The following NCOR2 variants were observed in gnomAD, a reference collection of about 807,000 sequenced individuals.
NCOR2 encodes CTG repeat protein 26.
Under a neutral mutation model 262.9 loss-of-function variants are expected in NCOR2, and 81 were observed. The observed-to-expected ratio is 0.31, with a 90% CI of 0.26 to 0.37. The LOEUF (loss-of-function observed/expected upper bound fraction) is 0.37, where lower values mean the gene tolerates loss of function less well. Among genes scored for constraint, NCOR2 ranks in the 10% least tolerant of loss-of-function variants. The pLI is 1.00. For synonymous variants in NCOR2, 1,659 were observed against 1,559.3 expected (o/e 1.06, Z -1.51); for missense variants, 3,385 against 3,621.4 (o/e 0.93, Z 1.68).
rs191260796 is a variant in NCOR2 at position 124,483,561 on chromosome 12, G to T, written c.411+35C>A. 1 of 1,510,324 alleles carries T rather than the reference G, an allele frequency of 6.6e-7. No individual in the cohort carries two copies. Among genetic ancestry groups the T allele is most frequent in the East Asian group, 2.4e-5 (1 of 41,168 alleles). The allele number at this position is 1,510,324 out of a possible 1,614,324, so 93.6% of individuals were successfully genotyped here. A position where few individuals can be genotyped will look rare whatever the true frequency, so the allele number is the denominator to read the frequency against. On this transcript the variant is annotated intron_variant, in intron 3 of 46. Coordinates refer to ENST00000405201, the Ensembl canonical transcript of NCOR2. The surrounding 1 kb of genome is among the most constrained non-coding windows in gnomAD (Gnocchi z 6.3). ...CCCAACCAGCAGCAGAACCTCAAGC[G>T]GGAGAGGAGCTCCCAGCTGGGGGCC...
chr12:124,335,749 A>G, intron 38 of NCOR2, 117 bp from the exon 41 acceptor site: 1 of 1,221,376 alleles, frequency 8.2e-7, no homozygotes, highest in Non-Finnish European at 1.1e-6. Flanking sequence ...AACCCAAGCT[A>G]GGGGTAGGGT....
intron 20 of NCOR2, among the ~76,000 whole-genome samples, chr12:124,371,180 C>T (rs1282030284): frequency 6.6e-6 from 1 of 151,866 alleles, no homozygotes; most frequent in African/African-American, 2.4e-5. Flanking sequence ...CCTGCCAGGG[C>T]GTGACTCAGT....
intron 1 of NCOR2, chr12:124,556,364 A>G (rs2051883260): frequency 6.6e-6 from 1 of 152,436 alleles, no homozygotes; most frequent in South Asian, 2.1e-4. Flanking sequence ...AACACTCAAC[A>G]CATCTACGAG....
At position 124,552,670 on chromosome 12, in the gene NCOR2, G is replaced by A. The variant is rs567471511; in HGVS notation, c.-165+14638C>T. ...AACTCGGTGACTTAAAACAGCACAA[G>A]TTTTTTCGGGGGGGTTAGGAGGTTT... On this transcript the variant is annotated intron_variant, in intron 1 of 32. Transcript: ENST00000458234. 2.0e-5 allele frequency among the ~76,000 whole-genome samples: 3 copies of A among 152,254 alleles called. No individual in the cohort carries two copies. In the South Asian group the frequency reaches 6.2e-4, roughly 32 times the overall value.
chr12:124,333,167 G>C (rs1407779271), exon 42 of NCOR2: 1 of 1,612,514 alleles, frequency 6.2e-7, no homozygotes, highest in African/African-American at 1.3e-5. Context: ...TACAGCAGCG[G>C]GTACACAGCA....
chr12:124,447,119 C>T (rs1243891), intron 7 of NCOR2, among the ~76,000 whole-genome samples: 142,140 of 152,308 alleles, frequency 0.93, 66,459 homozygotes, highest in East Asian at 1. Flanking sequence ...TTCACCATGT[C>T]GGCCAGGCTG....
rs1370546396 is a variant in NCOR2, at chr12:124,482,774, C to T, written c.411+822G>A. 6.6e-6 allele frequency among the ~76,000 whole-genome samples: 1 copy of T among 152,144 alleles called. No homozygotes were observed. Among genetic ancestry groups the T allele is most frequent in the East Asian group, 1.9e-4 (1 of 5,180 alleles). Reference sequence around the variant, plus strand: ...AGCCCCCCATGGAGATGCAGACGAGCCTGAAGTTGTCTGGCTCCCCTGCCC... The same window carrying T: ...AGCCCCCCATGGAGATGCAGACGAGTCTGAAGTTGTCTGGCTCCCCTGCCC... On this transcript the variant is annotated intron_variant, in intron 3 of 46. Coordinates refer to ENST00000405201, the Ensembl canonical transcript of NCOR2. This position sits in a 1 kb window ranked among gnomAD's most constrained non-coding sequence, Gnocchi z 6.3.
At chr12:124,484,081 G>A (rs2047649728) in intron 2 of NCOR2, among the ~76,000 whole-genome samples, 1 of 152,142 alleles carries the variant, frequency 6.6e-6, no homozygotes, top group Non-Finnish European at 1.5e-5. Context: ...TCCCCACCTG[G>A]GGCTGGCTAC....
At chr12:124,500,848 G>A (rs1051541469) in intron 1 of NCOR2, among the ~76,000 whole-genome samples, 5 of 152,122 alleles carry the variant, frequency 3.3e-5, no homozygotes, top group Non-Finnish European at 7.4e-5. Flanking sequence ...GGCTGGTGGA[G>A]GTGTGGGAGC....
chr12:124,417,817 T>C (rs1433698140), intron 13 of NCOR2, among the ~76,000 whole-genome samples: 1 of 152,160 alleles, frequency 6.6e-6, no homozygotes, highest in African/African-American at 2.4e-5. Context: ...TCCCAGCACT[T>C]TGGGAGGCCA....
chr12:124,337,047 G>C (rs776517719), exon 38 of NCOR2: 1 of 1,494,984 alleles, frequency 6.7e-7, no homozygotes, highest in Non-Finnish European at 8.9e-7. Context: ...CGGGCGACCC[G>C]GGGGGCCTCC....
intron 1 of NCOR2, among the ~76,000 whole-genome samples, chr12:124,552,228 G>A (rs931340128): frequency 3.9e-5 from 6 of 152,022 alleles, no homozygotes; most frequent in Non-Finnish European, 7.4e-5. Flanking sequence ...GGCTGAGATG[G>A]GAGGATTGCT....
At chr12:124,374,559 G>C in intron 18 of NCOR2, 96 bp from the exon 21 acceptor site, 2 of 1,153,132 alleles carry the variant, frequency 1.7e-6, no homozygotes, top group Non-Finnish European at 2.6e-6. Flanking sequence ...CTGAAGCCCA[G>C]TGCACAGCAG....
intron 1 of NCOR2, among the ~76,000 whole-genome samples, chr12:124,516,554 A>G (rs1358125726): frequency 6.6e-6 from 1 of 152,200 alleles, no homozygotes; most frequent in Non-Finnish European, 1.5e-5. Flanking sequence ...ACAATTACGG[A>G]GGCCCACCCA....
At chr12:124,535,706 T>A (rs1241690931), upstream of NCOR2, 2 of 152,198 alleles carry the variant, frequency 1.3e-5, no homozygotes, top group Non-Finnish European at 2.9e-5. Context: ...ATGTCTGCCG[T>A]CAGGGCCCAT....
At chr12:124,404,141 T>C (rs1035687701) in intron 13 of NCOR2, among the ~76,000 whole-genome samples, 1 of 152,214 alleles carries the variant, frequency 6.6e-6, no homozygotes, top group Non-Finnish European at 1.5e-5. Flanking sequence ...AGGGTTTTTT[T>C]GGCTTGTTCC....
At chr12:124,522,654 C>G (rs183870326) in intron 1 of NCOR2, among the ~76,000 whole-genome samples, 158 of 152,380 alleles carry the variant, frequency 1.0e-3, no homozygotes, top group Middle Eastern at 6.8e-3. Context: ...ACCTATGTTT[C>G]ATGGGCCATG....
intron 37 of NCOR2, among the ~76,000 whole-genome samples, chr12:124,339,009 C>T (rs559344845): frequency 3.5e-5 from 5 of 144,094 alleles, no homozygotes; most frequent in East Asian, 2.1e-4. Context: ...GCTAAGCCAG[C>T]GTCTATACTC....
intron 16 of NCOR2, 101 bp downstream of exon 18, chr12:124,398,018 C>T: frequency 7.1e-7 from 1 of 1,402,860 alleles, no homozygotes; most frequent in Non-Finnish European, 1.0e-6. Context: ...CACCACAGCC[C>T]CTGGCTCAAG....
Sources: gnomAD v4.1 joint callset for allele counts (sites outside exome capture counted in the v4.1 genomes callset) on GRCh38, gnomAD v4.1.1 for gene constraint, Gnocchi (gnomAD v3.1) non-coding constraint, MANE v1.5 for transcripts, NCBI Gene and HGNC (gene_info 2026-07-23, HGNC 2026-07-21) for gene names.